Variants in RAB38 observed in about 807,000 individuals in gnomAD.
The protein encoded by RAB38 is ras-related protein Rab-38.
A neutral mutation model predicts 18.4 loss-of-function variants in RAB38; 15 were observed. That is an observed-to-expected ratio of 0.82 (90% CI 0.55 to 1.26). RAB38 has a LOEUF of 1.26. RAB38 is among the 50% of genes most tolerant of loss of function. The pLI, the probability that RAB38 is intolerant of heterozygous loss-of-function variation, is 0.00. For missense variants in RAB38, 294 were observed against 267.4 expected, an observed-to-expected ratio of 1.10 and a Z score of -0.69; for synonymous variants, 101 against 104.4, an observed-to-expected ratio of 0.97 and a Z score of 0.20.
At chr11:88,090,041 G>A in the RAB38 span, among the ~76,000 whole-genome samples, 2 of 151,874 alleles carry the variant, frequency 1.3e-5, no homozygotes, top group Non-Finnish European at 2.9e-5. Flanking sequence ...GCCTTCTAGG[G>A]GGAGCAGCTA....
At chr11:88,106,452 A>T in the RAB38 span, among the ~76,000 whole-genome samples, 1 of 152,160 alleles carries the variant, frequency 6.6e-6, no homozygotes, top group Admixed American at 6.6e-5. Flanking sequence ...TACAAAAAAA[A>T]CACACTTTCA....
chr11:87,806,922 A>G, the RAB38 span, among the ~76,000 whole-genome samples: 2 of 152,158 alleles, frequency 1.3e-5, no homozygotes, highest in Non-Finnish European at 2.9e-5. Flanking sequence ...GACAAATGAA[A>G]TTCTGGATCT....
In RAB38 at chr11:88,113,312, T is replaced by C. The variant is rs774335356; in HGVS notation, c.*676A>G. 2 of 152,536 alleles carry C rather than the reference T, an allele frequency of 1.3e-5. No individual in the cohort carries two copies. Among genetic ancestry groups the C allele is most frequent in the Non-Finnish European group, 2.9e-5 (2 of 68,042 alleles). 9.4% of individuals were successfully genotyped at this position (152,536 alleles called of 1,614,324 possible). A position where few individuals can be genotyped will look rare whatever the true frequency, so the allele number is the denominator to read the frequency against. Reference sequence around the variant, plus strand: ...TTGCAAAAATATATATAATATATATTACATGTATAGCATGTATAGAGGAGC... The same window carrying C: ...TTGCAAAAATATATATAATATATATCACATGTATAGCATGTATAGAGGAGC... On this transcript the variant is annotated 3_prime_UTR_variant, in exon 3 of 3. Coordinates refer to ENST00000243662, the MANE Select transcript of RAB38 (RefSeq NM_022337.3).
the RAB38 span, among the ~76,000 whole-genome samples, chr11:88,106,215 G>A: frequency 6.6e-6 from 1 of 152,024 alleles, no homozygotes; most frequent in African/African-American, 2.4e-5. Flanking sequence ...CATATATTAA[G>A]CACTATGCAT....
chr11:88,020,629 T>C, the RAB38 span, among the ~76,000 whole-genome samples: 17 of 152,194 alleles, frequency 1.1e-4, no homozygotes, highest in Non-Finnish European at 2.1e-4. Context: ...GAACATTTCA[T>C]CCAATGGCTG....
chr11:88,049,365 C>T, the RAB38 span, among the ~76,000 whole-genome samples: 1 of 152,076 alleles, frequency 6.6e-6, no homozygotes. Context: ...GATGACATTA[C>T]CTTGTGAAAT....
intron 2 of RAB38, among the ~76,000 whole-genome samples, chr11:88,128,457 T>C (rs1163009877): frequency 6.6e-6 from 1 of 152,242 alleles, no homozygotes; most frequent in East Asian, 1.9e-4. Context: ...CGTAAGTTAC[T>C]GGTTGCAAAA....
chr11:87,946,730 C>T, the RAB38 span, among the ~76,000 whole-genome samples: 1 of 152,048 alleles, frequency 6.6e-6, no homozygotes, highest in Non-Finnish European at 1.5e-5. Context: ...TCATCATTTT[C>T]TGTGGCTGCA....
chr11:87,921,201 C>G, the RAB38 span, among the ~76,000 whole-genome samples: 1 of 152,010 alleles, frequency 6.6e-6, no homozygotes, highest in African/African-American at 2.4e-5. Flanking sequence ...AATGTGTAAA[C>G]TTTATGATGG....
chr11:87,866,229 T>G, the RAB38 span, among the ~76,000 whole-genome samples: 1 of 151,694 alleles, frequency 6.6e-6, no homozygotes, highest in Non-Finnish European at 1.5e-5. Context: ...GAGTTACTGA[T>G]GTGCTTGCTA....
At chr11:87,917,380 A>G in the RAB38 span, among the ~76,000 whole-genome samples, 1 of 152,036 alleles carries the variant, frequency 6.6e-6, no homozygotes, top group Non-Finnish European at 1.5e-5. Context: ...TGTGTCAAGA[A>G]TGACTAATTC....
At chr11:87,861,626 T>G in the RAB38 span, among the ~76,000 whole-genome samples, 1 of 151,742 alleles carries the variant, frequency 6.6e-6, no homozygotes. Context: ...ATTATAAGAG[T>G]GTTTTGAGAA....
At chr11:88,134,701 T>C (rs987435828) in intron 2 of RAB38, among the ~76,000 whole-genome samples, 1 of 152,224 alleles carries the variant, frequency 6.6e-6, no homozygotes, top group African/African-American at 2.4e-5. Context: ...ACAATCTCAT[T>C]CTTAAATATT....
chr11:88,100,015 G>A, the RAB38 span: 33 of 151,798 alleles, frequency 2.2e-4, no homozygotes, highest in African/African-American at 7.7e-4. Flanking sequence ...AAGGTAATGA[G>A]TTATCTTAAC....
the RAB38 span, among the ~76,000 whole-genome samples, chr11:88,003,910 T>G: frequency 9.2e-6 from 1 of 108,256 alleles, no homozygotes; most frequent in South Asian, 2.7e-4. Context: ...AATTATATAT[T>G]TATATAAAGA....
At chr11:88,125,587 T>G (rs959850791) in intron 2 of RAB38, among the ~76,000 whole-genome samples, 1 of 152,236 alleles carries the variant, frequency 6.6e-6, no homozygotes, top group Non-Finnish European at 1.5e-5. Flanking sequence ...GTGAATTTGT[T>G]TGAGTTCTGT....
intron 1 of RAB38, among the ~76,000 whole-genome samples, chr11:88,174,384 CAA>C (rs1253423847): frequency 6.6e-6 from 1 of 151,890 alleles, no homozygotes; most frequent in African/African-American, 2.4e-5. Flanking sequence ...TTGTAAAAAA[CAA>C]AAACAAACAA....
At chr11:88,160,405 T>G (rs1404181971) in intron 1 of RAB38, among the ~76,000 whole-genome samples, 1 of 152,162 alleles carries the variant, frequency 6.6e-6, no homozygotes, top group Non-Finnish European at 1.5e-5. Flanking sequence ...TCAGCCATCA[T>G]GGAAAGCAGT....
chr11:88,166,988 A>T (rs1345573162), intron 1 of RAB38: 1 of 152,188 alleles, frequency 6.6e-6, no homozygotes, highest in East Asian at 1.9e-4. Flanking sequence ...TTCCTACCAC[A>T]TGTCCAAATA....
Sources: allele counts gnomAD v4.1 joint callset (sites outside exome capture counted in the v4.1 genomes callset), GRCh38; gene constraint gnomAD v4.1.1; transcripts MANE v1.5; gene names NCBI Gene and HGNC (gene_info 2026-07-23, HGNC 2026-07-21).